The following ARHGAP18 variants were observed in gnomAD, a reference collection of about 807,000 sequenced individuals.
The protein encoded by ARHGAP18 is Rho GTPase activating protein 18, also known as rho GTPase-activating protein 18.
ARHGAP18 carries 67 observed loss-of-function variants against 86.2 expected under a neutral mutation model. That is an observed-to-expected ratio of 0.78 (90% CI 0.64 to 0.95). ARHGAP18 has a LOEUF of 0.95. Ranked by LOEUF, ARHGAP18 falls within the 40% of genes least tolerant of loss-of-function variation. ARHGAP18 has a pLI of 0.00. For synonymous variants in ARHGAP18, 283 were observed against 280.4 expected, an observed-to-expected ratio of 1.01 and a Z score of -0.09; for missense variants, 691 against 780.4, an observed-to-expected ratio of 0.89 and a Z score of 1.37.
intron 1 of ARHGAP18, among the ~76,000 whole-genome samples, chr6:129,698,240 TA>T (rs1774652437): frequency 6.6e-6 from 1 of 152,226 alleles, no homozygotes; most frequent in African/African-American, 2.4e-5. Context: ...CACTGTTGTT[TA>T]AACATGTATT....
chr6:129,601,105 G>A lies in ARHGAP18; in HGVS notation c.1366-257C>T, dbSNP rs189530900. ...GCACATAGCTGAACTAGGGAGCAGA[G>A]AGAGGAGTGGGGAAGTGTCAGACCT... On this transcript the variant is annotated intron_variant, in intron 10 of 14. Coordinates refer to ENST00000368149, the MANE Select transcript of ARHGAP18 (RefSeq NM_033515.3). 2.6e-3 allele frequency among the ~76,000 whole-genome samples: 395 copies of A among 152,314 alleles called. 1 individual carries two copies. Among genetic ancestry groups the A allele is most frequent in the African/African-American group, 9.3e-3 (385 of 41,572 alleles).
At chr6:129,641,314 C>A (rs996288910) in intron 2 of ARHGAP18, among the ~76,000 whole-genome samples, 1 of 152,142 alleles carries the variant, frequency 6.6e-6, no homozygotes, top group Non-Finnish European at 1.5e-5. Context: ...AATAGAAGAG[C>A]CTTCTTCTGT....
chr6:129,631,177 G>A (rs926238261), intron 4 of ARHGAP18, among the ~76,000 whole-genome samples: 1 of 152,084 alleles, frequency 6.6e-6, no homozygotes, highest in African/African-American at 2.4e-5. Context: ...AAAATGATTA[G>A]CCATTTTCTT....
chr6:129,621,177 T>C (rs1044126280), intron 5 of ARHGAP18, among the ~76,000 whole-genome samples: 3 of 152,190 alleles, frequency 2.0e-5, no homozygotes, highest in African/African-American at 7.2e-5. Flanking sequence ...CAGAAGGTTT[T>C]TGAGGCCCTT....
chr6:129,584,749 G>A (rs144406724), intron 12 of ARHGAP18, among the ~76,000 whole-genome samples: 5 of 152,238 alleles, frequency 3.3e-5, no homozygotes, highest in East Asian at 1.9e-4. Flanking sequence ...CAGCTATAGC[G>A]TTAGAAATAT....
intron 1 of ARHGAP18, among the ~76,000 whole-genome samples, chr6:129,692,795 G>A (rs895975141): frequency 2.0e-5 from 3 of 152,174 alleles, no homozygotes; most frequent in East Asian, 1.9e-4. Flanking sequence ...AAATTACTTC[G>A]CCTAAAAATG....
intron 8 of ARHGAP18, among the ~76,000 whole-genome samples, 197 bp downstream of exon 8, chr6:129,611,331 GAAAAC>G (rs1788975121): frequency 6.6e-6 from 1 of 152,004 alleles, no homozygotes; most frequent in East Asian, 1.9e-4. Flanking sequence ...TGGTGATTTT[GAAAAC>G]AAAACAAAAC....
chr6:129,658,972 A>AT (rs977694090), intron 1 of ARHGAP18, among the ~76,000 whole-genome samples: 2 of 151,930 alleles, frequency 1.3e-5, no homozygotes, highest in East Asian at 1.9e-4. Flanking sequence ...AAGTTATTTA[A>AT]TTTTTTTTTA....
chr6:129,657,043 G>C (rs907703485), intron 1 of ARHGAP18, among the ~76,000 whole-genome samples: 1 of 152,086 alleles, frequency 6.6e-6, no homozygotes, highest in Non-Finnish European at 1.5e-5. Flanking sequence ...TATCATCTTT[G>C]TTCTGAAATT....
intron 1 of ARHGAP18, among the ~76,000 whole-genome samples, chr6:129,659,452 ATTT>A (rs869238078): frequency 7.6e-6 from 1 of 132,440 alleles, no homozygotes; most frequent in African/African-American, 2.9e-5. Context: ...TAGGCCTAGA[ATTT>A]TTTTTATTTT....
intron 14 of ARHGAP18, 67 bp downstream of exon 14, chr6:129,580,003 C>A: frequency 1.5e-6 from 2 of 1,316,560 alleles, no homozygotes; most frequent in Non-Finnish European, 2.2e-6. Context: ...CCTCCAAAGA[C>A]ATAAATAATA....
chr6:129,688,603 AC>A (rs1324277774), intron 1 of ARHGAP18, among the ~76,000 whole-genome samples: 14 of 152,070 alleles, frequency 9.2e-5, no homozygotes. Flanking sequence ...GACCAGCCTG[AC>A]CAACATGGTG....
At position 129,683,055 on chromosome 6, in the gene ARHGAP18, C is replaced by CT. The variant is rs199633610; in HGVS notation, c.113+26968dup. Among the ~76,000 whole-genome samples, 269 of 139,008 alleles carry CT rather than the reference C, an allele frequency of 1.9e-3. 4 individuals are homozygous for CT. In the East Asian group the frequency reaches 0.027, roughly 14 times the overall value. 91.2% of individuals were successfully genotyped at this position (139,008 alleles called of 152,430 possible). A position where few individuals can be genotyped will look rare whatever the true frequency, so the allele number is the denominator to read the frequency against. On this transcript the variant is annotated intron_variant, in intron 1 of 14. Transcript: ENST00000368149. ...AAGTGAGAAATGTGTTTTGTTTTTTCTTTTTTTTTTTTTGTTTTTTTTTTT... is the reference window on the plus strand; with the variant it reads ...AAGTGAGAAATGTGTTTTGTTTTTTCTTTTTTTTTTTTTTGTTTTTTTTTTT...
intron 5 of ARHGAP18, among the ~76,000 whole-genome samples, chr6:129,626,672 TACACACACACACACAC>T (rs66753341): frequency 3.4e-5 from 5 of 147,060 alleles, no homozygotes; most frequent in Non-Finnish European, 1.5e-5. Context: ...CACACACACA[TACACACACACACACAC>T]ACACACACAC....
chr6:129,612,903 C>A (rs1018139931), intron 7 of ARHGAP18, among the ~76,000 whole-genome samples: 2 of 152,124 alleles, frequency 1.3e-5, no homozygotes, highest in African/African-American at 4.8e-5. Context: ...AGAGAAGCAT[C>A]TTTGATCAGT....
chr6:129,588,409 C>T (rs4636043), intron 12 of ARHGAP18, among the ~76,000 whole-genome samples: 22,050 of 152,248 alleles, frequency 0.14, 1,905 homozygotes, highest in Admixed American at 0.27. Context: ...AGCCACCATG[C>T]CCAGCCTAAC....
chr6:129,684,302 A>G (rs946947132), intron 1 of ARHGAP18, among the ~76,000 whole-genome samples: 6 of 152,252 alleles, frequency 3.9e-5, no homozygotes, highest in Non-Finnish European at 8.8e-5. Context: ...TAGTTAAAAT[A>G]TAACTGTGGG....
At chr6:129,585,940 T>C (rs927157803) in intron 12 of ARHGAP18, among the ~76,000 whole-genome samples, 7 of 152,210 alleles carry the variant, frequency 4.6e-5, no homozygotes, top group African/African-American at 7.2e-5. Flanking sequence ...GATACTTCAG[T>C]CTATGACCTT....
At chr6:129,665,530 A>T (rs1333423860) in intron 1 of ARHGAP18, among the ~76,000 whole-genome samples, 3 of 152,234 alleles carry the variant, frequency 2.0e-5, no homozygotes, top group African/African-American at 7.2e-5. Context: ...AGCCTGGGCA[A>T]TAGAGCCAGA....
Sources: allele counts gnomAD v4.1 joint callset (sites outside exome capture counted in the v4.1 genomes callset), GRCh38; gene constraint gnomAD v4.1.1; transcripts MANE v1.5; gene names NCBI Gene and HGNC (gene_info 2026-07-23, HGNC 2026-07-21).